Variants in LARS2 observed in about 807,000 individuals in gnomAD.
LARS2 encodes leucyl-tRNA synthetase 2, mitochondrial.
Under a neutral mutation model 116.6 loss-of-function variants are expected in LARS2, and 81 were observed. The ratio of observed to expected loss-of-function variants is 0.69; its 90% confidence interval spans 0.58 to 0.84. The LOEUF (loss-of-function observed/expected upper bound fraction) is 0.84. LARS2 is among the 40% of genes least tolerant of loss of function. The pLI, the probability that LARS2 is intolerant of heterozygous loss-of-function variation, is 0.00. For synonymous variants in LARS2, 396 were observed against 407.2 expected, an observed-to-expected ratio of 0.97 and a Z score of 0.33; for missense variants, 968 against 1,114.5, an observed-to-expected ratio of 0.87 and a Z score of 1.87.
chr3:45,512,037 A>G (rs1264281987), intron 15 of LARS2, among the ~76,000 whole-genome samples: 1 of 152,096 alleles, frequency 6.6e-6, no homozygotes, highest in Admixed American at 6.5e-5. Flanking sequence ...GGCCTCCCAA[A>G]GCGCTAGGAT....
At chr3:45,452,049 C>T (rs1699138902) in intron 7 of LARS2, among the ~76,000 whole-genome samples, 1 of 152,106 alleles carries the variant, frequency 6.6e-6, no homozygotes, top group Non-Finnish European at 1.5e-5. Context: ...TATCCTGCAA[C>T]TTTACTAAAT....
chr3:45,448,987 T>G (rs892989704), intron 7 of LARS2, among the ~76,000 whole-genome samples: 5 of 152,150 alleles, frequency 3.3e-5, no homozygotes, highest in African/African-American at 1.2e-4. Flanking sequence ...TTTTAACAGT[T>G]TTATGCAGCA....
At chr3:45,504,937 G>A (rs538314394) in intron 15 of LARS2, among the ~76,000 whole-genome samples, 8 of 151,480 alleles carry the variant, frequency 5.3e-5, no homozygotes, top group Non-Finnish European at 1.2e-4. Context: ...AGAATTAGCC[G>A]AGCATGGTGG....
Position 45,496,392 on chromosome 3 carries a change from T to G in LARS2, c.1622+19T>G. 2 of 1,566,732 alleles carry G rather than the reference T, an allele frequency of 1.3e-6. No homozygotes were observed. The highest frequency in any genetic ancestry group is 1.8e-6 in the Non-Finnish European group (2 of 1,136,972). On this transcript the variant is annotated intron_variant, in intron 14 of 21. Coordinates refer to ENST00000645846, the MANE Select transcript of LARS2 (RefSeq NM_015340.4). ...CACACAGGTAAAACGTCCCTGCTGATGTCTTTGAGCATTTGTCAGTGTGGC... is the reference window on the plus strand; with the variant it reads ...CACACAGGTAAAACGTCCCTGCTGAGGTCTTTGAGCATTTGTCAGTGTGGC...
intron 15 of LARS2, among the ~76,000 whole-genome samples, chr3:45,510,290 T>C (rs1700267886): frequency 6.6e-6 from 1 of 151,978 alleles, no homozygotes; most frequent in Admixed American, 6.6e-5. Context: ...AGTGCGCGCC[T>C]GTGGTCCCAG....
chr3:45,479,873 T>A (rs1332220259), intron 10 of LARS2, among the ~76,000 whole-genome samples: 1 of 151,338 alleles, frequency 6.6e-6, no homozygotes. Flanking sequence ...CAGCTCTGAG[T>A]CACCAACTAT....
chr3:45,391,702 C>T (rs886983862), intron 2 of LARS2, 54 bp downstream of exon 2: 1 of 152,142 alleles, frequency 6.6e-6, no homozygotes, highest in Non-Finnish European at 1.5e-5. Context: ...CTATTACTAT[C>T]TAATCTGCTC....
At chr3:45,439,848 T>C (rs1395434588) in intron 6 of LARS2, among the ~76,000 whole-genome samples, 2 of 152,302 alleles carry the variant, frequency 1.3e-5, no homozygotes, top group East Asian at 3.9e-4. Context: ...TTAAGTTCTG[T>C]AAAGACATAA....
chr3:45,400,766 A>T (rs1369283443), intron 4 of LARS2, among the ~76,000 whole-genome samples: 2 of 151,940 alleles, frequency 1.3e-5, no homozygotes, highest in Non-Finnish European at 2.9e-5. Context: ...ACTGCAAGAT[A>T]TTTCTTTCTG....
chr3:45,426,859 C>A (rs1166252496), intron 6 of LARS2, among the ~76,000 whole-genome samples: 2 of 152,166 alleles, frequency 1.3e-5, no homozygotes, highest in Admixed American at 1.3e-4. Context: ...TGAGCCCAGT[C>A]AGGTCATCCC....
At chr3:45,502,005 T>C (rs534307332) in intron 15 of LARS2, among the ~76,000 whole-genome samples, 9 of 152,074 alleles carry the variant, frequency 5.9e-5, no homozygotes, top group Non-Finnish European at 1.0e-4. Flanking sequence ...TATTTTGGTA[T>C]GGGCATGCAA....
chr3:45,516,989 A>T (rs1700377720), intron 17 of LARS2, among the ~76,000 whole-genome samples: 1 of 152,234 alleles, frequency 6.6e-6, no homozygotes, highest in Non-Finnish European at 1.5e-5. Context: ...AGGAAGTCAG[A>T]TGCCTGGAAA....
At position 45,518,037 on chromosome 3, in the gene LARS2, A is replaced by G. The variant is rs1470659773; in HGVS notation, c.2179A>G (p.Lys727Glu). The change falls in exon 18 of 22, where the codon AAG becomes GAG. Residue 727 changes from lysine to glutamate, a missense_variant. By Grantham distance (56) the Lys-to-Glu change is moderately conservative. Coordinates refer to ENST00000645846, the MANE Select transcript of LARS2 (RefSeq NM_015340.4). ...LSNKEKAEAR[K>E]LWEYKNSVIS... ...TAACAAGGAGAAAGCTGAGGCCAGG[A>G]AGCTCTGGGAGTACAAGAACTCCGT... is the stretch of plus-strand genomic sequence containing the variant. The G allele has an allele frequency of 6.2e-6, 10 of 1,613,684 alleles. No individual in the cohort carries two copies. The highest frequency in any genetic ancestry group is 8.5e-6 in the Non-Finnish European group (10 of 1,179,726).
At chr3:45,469,419 C>A (rs1402794732) in intron 8 of LARS2, among the ~76,000 whole-genome samples, 6 of 152,108 alleles carry the variant, frequency 3.9e-5, no homozygotes, top group Non-Finnish European at 7.3e-5. Flanking sequence ...TATCTCGGCT[C>A]ACTAGAACCT....
intron 15 of LARS2, among the ~76,000 whole-genome samples, chr3:45,503,564 C>T (rs1170729908): frequency 6.6e-6 from 1 of 152,060 alleles, no homozygotes; most frequent in Non-Finnish European, 1.5e-5. Context: ...GTTTTGCCAG[C>T]TCAAATGTAT....
intron 4 of LARS2, among the ~76,000 whole-genome samples, chr3:45,405,111 G>C (rs1321068064): frequency 6.9e-6 from 1 of 144,516 alleles, no homozygotes; most frequent in East Asian, 2.0e-4. Flanking sequence ...AGCATGTCAA[G>C]TTTTTTTTTT....
intron 16 of LARS2, among the ~76,000 whole-genome samples, chr3:45,514,279 G>A (rs940398697): frequency 3.9e-5 from 6 of 152,062 alleles, no homozygotes; most frequent in Admixed American, 3.9e-4. Flanking sequence ...GAAACCCCCA[G>A]CACTGTGACC....
At chr3:45,465,564 C>G (rs765060660) in intron 8 of LARS2, among the ~76,000 whole-genome samples, 1 of 152,184 alleles carries the variant, frequency 6.6e-6, no homozygotes, top group Non-Finnish European at 1.5e-5. Flanking sequence ...GGAGTAAAAT[C>G]TTTAATAACA....
At chr3:45,503,750 GAAGGA>G (rs369006181) in intron 15 of LARS2, among the ~76,000 whole-genome samples, 30 of 151,378 alleles carry the variant, frequency 2.0e-4, no homozygotes, top group African/African-American at 7.3e-4. Flanking sequence ...TAATTACAGA[GAAGGA>G]AAGGGGGGAA....
Sources: gnomAD v4.1 joint callset for allele counts (sites outside exome capture counted in the v4.1 genomes callset) on GRCh38, gnomAD v4.1.1 for gene constraint, MANE v1.5 for transcripts, NCBI Gene and HGNC (gene_info 2026-07-23, HGNC 2026-07-21) for gene names.